ZNF804B: variants seen among roughly 807,000 people sequenced by gnomAD.
ZNF804B encodes zinc finger 804B.
Under a neutral mutation model 101.4 loss-of-function variants are expected in ZNF804B, and 80 were observed. That is an observed-to-expected ratio of 0.79 (90% CI 0.66 to 0.95). ZNF804B has a LOEUF of 0.95. Ranked by LOEUF, ZNF804B falls within the 40% of genes least tolerant of loss-of-function variation. The pLI, the probability that ZNF804B is intolerant of heterozygous loss-of-function variation, is 0.00. For missense variants in ZNF804B, 1,673 were observed against 1,561.9 expected, an observed-to-expected ratio of 1.07 and a Z score of -1.20; for synonymous variants, 622 against 558.8, an observed-to-expected ratio of 1.11 and a Z score of -1.59.
intron 2 of ZNF804B, among the ~76,000 whole-genome samples, chr7:89,222,503 G>A (rs1218213791): frequency 6.6e-6 from 1 of 151,852 alleles, no homozygotes; most frequent in East Asian, 1.9e-4. Flanking sequence ...GACTGATTTT[G>A]GAAAGGGTCT....
Position 89,335,112 on chromosome 7 carries a change from C to T in ZNF804B, c.2130C>T (p.Ser710=), listed in dbSNP as rs775960140. Residue 710 remains serine (S), a synonymous_variant, in exon 4 of 4, where the codon TCC becomes TCT. Coordinates refer to ENST00000333190, the MANE Select transcript of ZNF804B (RefSeq NM_181646.5). ...AGTCATGTTTGAGTAGATATTCTTC[C>T]TCTTTGGACACATCCCCTAGCAGCA... ...SPQSCLSRYS[S]SLDTSPSSMS... is the part of the protein sequence containing the mutation. The T allele has an allele frequency of 7.4e-6, 12 of 1,613,792 alleles. No homozygotes were observed. In the South Asian group the frequency reaches 1.3e-4, roughly 18 times the overall value.
chr7:89,029,260 C>T (rs1348232127), intron 1 of ZNF804B, among the ~76,000 whole-genome samples: 5 of 152,108 alleles, frequency 3.3e-5, no homozygotes, highest in African/African-American at 7.2e-5. Flanking sequence ...TGCACCATCA[C>T]ACCCAGCTAA....
In ZNF804B at chr7:88,811,458, C is replaced by G. The variant is rs555697579; in HGVS notation, c.108+51374C>G. On this transcript the variant is annotated intron_variant, in intron 1 of 3. Coordinates refer to ENST00000333190, the MANE Select transcript of ZNF804B (RefSeq NM_181646.5). ...GAACCATAAATACCATTTGACCTAG[C>G]AATCCCATTACTGTGTATATACCCA... 3.3e-5 allele frequency among the ~76,000 whole-genome samples: 5 copies of G among 152,266 alleles called. No homozygotes were observed. In the South Asian group the frequency reaches 1.0e-3, roughly 32 times the overall value.
Position 89,338,019 on chromosome 7 carries a change from A to T in ZNF804B, c.*987A>T, listed in dbSNP as rs1467469884. ...ATTCAATTGTACTAGATATTTATGA[A>T]ACAATGAATAATGATGAATAAATTC... On this transcript the variant is annotated 3_prime_UTR_variant, in exon 4 of 4. Coordinates refer to ENST00000333190, the MANE Select transcript of ZNF804B (RefSeq NM_181646.5). Among the ~76,000 whole-genome samples, 1 of 152,122 alleles carries T rather than the reference A, an allele frequency of 6.6e-6. No homozygotes were observed. The highest frequency in any genetic ancestry group is 1.5e-5 in the Non-Finnish European group (1 of 67,980).
At chr7:88,826,242 AG>A (rs1483055663) in intron 1 of ZNF804B, among the ~76,000 whole-genome samples, 3 of 152,172 alleles carry the variant, frequency 2.0e-5, no homozygotes, top group Non-Finnish European at 4.4e-5. Context: ...ATTTGATTAG[AG>A]AAAATATTCC....
At chr7:88,817,281 A>G (rs1465747120) in intron 1 of ZNF804B, among the ~76,000 whole-genome samples, 4 of 152,304 alleles carry the variant, frequency 2.6e-5, no homozygotes, top group East Asian at 1.9e-4. Context: ...ACTTAATGTA[A>G]ATAATGAGTT....
intron 1 of ZNF804B, among the ~76,000 whole-genome samples, chr7:88,823,650 G>A (rs1791014820): frequency 6.6e-6 from 1 of 151,974 alleles, no homozygotes; most frequent in African/African-American, 2.4e-5. Flanking sequence ...GAGTACAATT[G>A]GGTACCACCC....
chr7:89,337,192 A>G lies in ZNF804B; in HGVS notation c.*160A>G. On this transcript the variant is annotated 3_prime_UTR_variant, in exon 4 of 4. Transcript: ENST00000333190. ...GATCTGAATTGCTAATACTAAAACA[A>G]GAGCATTTTAATAATTTTTTAGCTT... is the stretch of plus-strand genomic sequence containing the variant. 2 of 789,540 alleles carry G rather than the reference A, an allele frequency of 2.5e-6. No homozygotes were observed. Among genetic ancestry groups the G allele is most frequent in the Non-Finnish European group, 3.8e-6 (2 of 531,702 alleles). The allele number at this position is 789,540 out of a possible 1,614,324, so 48.9% of individuals were successfully genotyped here.
intron 1 of ZNF804B, among the ~76,000 whole-genome samples, chr7:88,828,615 A>G (rs999254543): frequency 6.6e-6 from 1 of 152,172 alleles, no homozygotes; most frequent in African/African-American, 2.4e-5. Context: ...AGTTATTATA[A>G]TGAATTATAA....
intron 1 of ZNF804B, among the ~76,000 whole-genome samples, chr7:89,085,847 T>C (rs1189776862): frequency 1.3e-5 from 2 of 152,000 alleles, no homozygotes. Flanking sequence ...TTGGTTATTC[T>C]GATAAGATTT....
At chr7:89,234,933 T>G (rs947743247) in intron 2 of ZNF804B, among the ~76,000 whole-genome samples, 17 of 152,192 alleles carry the variant, frequency 1.1e-4, no homozygotes, top group African/African-American at 4.1e-4. Flanking sequence ...CCTGACTCTG[T>G]GAGTTCATTT....
intron 2 of ZNF804B, among the ~76,000 whole-genome samples, chr7:89,326,055 C>A (rs1244918883): frequency 6.6e-6 from 1 of 151,986 alleles, no homozygotes; most frequent in Non-Finnish European, 1.5e-5. Context: ...CTCAGATCAT[C>A]TGTTGTTTAT....
chr7:89,046,983 G>A (rs536640916), intron 1 of ZNF804B, among the ~76,000 whole-genome samples: 11 of 151,798 alleles, frequency 7.2e-5, no homozygotes, highest in African/African-American at 2.2e-4. Flanking sequence ...AAATTTTGAC[G>A]TTTGCTTGCA....
intron 1 of ZNF804B, chr7:88,795,032 G>T: frequency 2.8e-6 from 3 of 1,076,158 alleles, no homozygotes; most frequent in Non-Finnish European, 3.8e-6. Flanking sequence ...TGATGAACTC[G>T]TGTTTTTATT....
At chr7:89,051,743 A>G (rs899024696) in intron 1 of ZNF804B, among the ~76,000 whole-genome samples, 2 of 152,088 alleles carry the variant, frequency 1.3e-5, no homozygotes, top group South Asian at 2.1e-4. Flanking sequence ...TATCAAATAT[A>G]TTAACAATTT....
chr7:88,978,935 C>T (rs1458099757), intron 1 of ZNF804B, among the ~76,000 whole-genome samples: 1 of 151,194 alleles, frequency 6.6e-6, no homozygotes, highest in African/African-American at 2.4e-5. Flanking sequence ...TTTGTGTATC[C>T]ATTGTGGGTT....
At chr7:89,005,179 T>G (rs1788354505) in intron 1 of ZNF804B, among the ~76,000 whole-genome samples, 1 of 152,064 alleles carries the variant, frequency 6.6e-6, no homozygotes, top group South Asian at 2.1e-4. Context: ...TTTCAGAGAC[T>G]GTAGATCTCA....
At chr7:89,293,458 A>C (rs1397362353) in intron 2 of ZNF804B, among the ~76,000 whole-genome samples, 1 of 152,138 alleles carries the variant, frequency 6.6e-6, no homozygotes, top group Non-Finnish European at 1.5e-5. Flanking sequence ...CAATGTCTGG[A>C]ATTACTAGAT....
intron 1 of ZNF804B, among the ~76,000 whole-genome samples, chr7:89,209,389 TTA>T (rs1477511408): frequency 2.0e-5 from 3 of 152,236 alleles, no homozygotes; most frequent in Non-Finnish European, 4.4e-5. Context: ...CAAATTTTGT[TTA>T]TGTCTCATTC....
Sources: allele counts gnomAD v4.1 joint callset (sites outside exome capture counted in the v4.1 genomes callset), GRCh38; gene constraint gnomAD v4.1.1; transcripts MANE v1.5; gene names NCBI Gene and HGNC (gene_info 2026-07-23, HGNC 2026-07-21).